The following SLCO4A1 variants were observed in gnomAD, a reference collection of about 807,000 sequenced individuals.
SLCO4A1 encodes the protein colon organic anion transporter.
Under a neutral mutation model 64.6 loss-of-function variants are expected in SLCO4A1, and 51 were observed. The ratio of observed to expected loss-of-function variants is 0.79; its 90% CI spans 0.63 to 1.00. The LOEUF is 1.00. Ranked by LOEUF, SLCO4A1 falls within the 50% of genes least tolerant of loss-of-function variation. The probability of loss-of-function intolerance (pLI) is 0.00; values close to 1 mark genes in which losing one functional copy is unlikely to be tolerated. For synonymous variants in SLCO4A1, 471 were observed against 444.9 expected (o/e 1.06, Z -0.74); for missense variants, 919 against 980.5 (o/e 0.94, Z 0.84).
intron 2 of SLCO4A1, among the ~76,000 whole-genome samples, chr20:62,681,330 C>A (rs930564739): frequency 1.3e-5 from 2 of 152,244 alleles, no homozygotes; most frequent in African/African-American, 4.8e-5. Context: ...AAACAGCCAG[C>A]CCATCAACCT....
chr20:62,657,093 C>G lies in SLCO4A1; in HGVS notation c.639C>G (p.Gly213=). ...TCAGGACGTGCCCTGCCAACCCCGG[C>G]GCGGTGTGTGCGGACAGCACCTCGG... ...AGVRTCPANP[G]AVCADSTSGL... Residue 213 remains glycine (G), a synonymous_variant, in exon 2 of 12, where the codon GGC becomes GGG. Coordinates refer to ENST00000217159, the MANE Select transcript of SLCO4A1 (RefSeq NM_016354.4). 1.2e-6 allele frequency: 2 copies of G among 1,600,390 alleles called. No individual in the cohort carries two copies. Among genetic ancestry groups the G allele is most frequent in the Non-Finnish European group, 1.7e-6 (2 of 1,175,472 alleles).
At position 62,664,977 on chromosome 20, in the gene SLCO4A1, T is replaced by C; in HGVS notation, c.1165T>C (p.Cys389Arg). The C allele has an allele frequency of 6.2e-7, 1 of 1,613,696 alleles. No homozygotes were observed. The highest frequency in any genetic ancestry group is 8.5e-7 in the Non-Finnish European group (1 of 1,179,776). ...GAAGAACCCCACGTTCATCCTGCTCTGCCTGGCCGGGGCCACCGAGGCCAC... is the reference window on the plus strand; with the variant it reads ...GAAGAACCCCACGTTCATCCTGCTCCGCCTGGCCGGGGCCACCGAGGCCAC... ...LLKNPTFILL[C>R]LAGATEATLI... The change falls in exon 6 of 12, where the codon TGC becomes CGC. Residue 389 changes from cysteine to arginine, a missense_variant. Transcript: ENST00000217159.
chr20:62,689,777 G>A (rs1244731025), downstream of SLCO4A1, among the ~76,000 whole-genome samples: 1 of 152,252 alleles, frequency 6.6e-6, no homozygotes, highest in East Asian at 1.9e-4. Context: ...CCGATTCCTT[G>A]TGTTCCTGGC....
intron 6 of SLCO4A1, 65 bp downstream of exon 6, chr20:62,665,153 G>A: frequency 6.5e-7 from 1 of 1,531,888 alleles, no homozygotes; most frequent in Non-Finnish European, 8.8e-7. Context: ...GAGTCTTCAA[G>A]GGCATCTTCT....
intron 2 of SLCO4A1, among the ~76,000 whole-genome samples, chr20:62,678,627 G>T (rs1987696015): frequency 6.6e-6 from 1 of 151,634 alleles, no homozygotes; most frequent in Non-Finnish European, 1.5e-5. Flanking sequence ...TTACTCCCGG[G>T]TTCAAGCGAA....
At chr20:62,669,527 G>T (rs1986944860) in intron 11 of SLCO4A1, among the ~76,000 whole-genome samples, 1 of 152,200 alleles carries the variant, frequency 6.6e-6, no homozygotes, top group African/African-American at 2.4e-5. Flanking sequence ...AGTGCGCCTT[G>T]GATTCCATTG....
downstream of SLCO4A1, among the ~76,000 whole-genome samples, chr20:62,677,180 G>T (rs1987634929): frequency 6.6e-6 from 1 of 152,338 alleles, no homozygotes; most frequent in Non-Finnish European, 1.5e-5. Context: ...GGGCGTTTTG[G>T]TGCAGTGATG....
downstream of SLCO4A1, among the ~76,000 whole-genome samples, chr20:62,676,400 G>T (rs151175133): frequency 2.5e-3 from 375 of 152,326 alleles, 2 homozygotes; most frequent in African/African-American, 8.2e-3. Context: ...GGCCTGGGTG[G>T]CAGAGTGAGA....
intron 9 of SLCO4A1, 30 bp downstream of exon 9, chr20:62,668,214 A>G (rs765430344): frequency 6.2e-6 from 10 of 1,612,388 alleles, no homozygotes; most frequent in Admixed American, 3.3e-5. Flanking sequence ...GCGCTTGTCC[A>G]GAGCTTTCCT....
rs747026694 is a variant in SLCO4A1, at chr20:62,661,080, G to A, written c.1026G>A (p.Ala342=). The change falls in exon 5 of 12, where the codon GCG becomes GCA. Residue 342 remains alanine, a synonymous_variant. Coordinates refer to ENST00000217159, the MANE Select transcript of SLCO4A1 (RefSeq NM_016354.4). The surrounding 1 kb of genome is among the most constrained non-coding windows in gnomAD (Gnocchi z 5.2). ...PRQLPGSQRY[A]VMRAAEMHQL... is the part of the protein sequence containing the mutation. ...CCCTTCCAGGCTCCCAGCGCTACGC[G>A]GTCATGAGAGCGGCGGAAATGCACC... The A allele has an allele frequency of 2.0e-5, 28 of 1,431,080 alleles. No individual in the cohort carries two copies. Among genetic ancestry groups the A allele is most frequent in the Non-Finnish European group, 2.3e-5 (24 of 1,063,164 alleles). 88.6% of individuals were successfully genotyped at this position (1,431,080 alleles called of 1,614,324 possible). A position where few individuals can be genotyped will look rare whatever the true frequency, so the allele number is the denominator to read the frequency against.
chr20:62,683,569 A>G (rs1212494223), intron 2 of SLCO4A1, among the ~76,000 whole-genome samples: 2 of 152,144 alleles, frequency 1.3e-5, no homozygotes, highest in African/African-American at 4.8e-5. Context: ...GTACAATATG[A>G]GACCTATTGT....
At chr20:62,677,213 G>A (rs1987637158), downstream of SLCO4A1, among the ~76,000 whole-genome samples, 1 of 152,198 alleles carries the variant, frequency 6.6e-6, no homozygotes, top group Non-Finnish European at 1.5e-5. Context: ...GTTAGATAAC[G>A]GTGATGGTTG....
chr20:62,672,017 G>C lies in SLCO4A1; in HGVS notation c.*124G>C. ...ACCTGCAACCTTCTACTTAACCTGTGGTTTAAAGTCGGCTGTGACCTCCTG... is the reference window on the plus strand; with the variant it reads ...ACCTGCAACCTTCTACTTAACCTGTCGTTTAAAGTCGGCTGTGACCTCCTG... On this transcript the variant is annotated 3_prime_UTR_variant, in exon 12 of 12. Coordinates refer to ENST00000217159, the MANE Select transcript of SLCO4A1 (RefSeq NM_016354.4). 1 of 1,578,770 alleles carries C rather than the reference G, an allele frequency of 6.3e-7. No individual in the cohort carries two copies. The highest frequency in any genetic ancestry group is 2.3e-5 in the East Asian group (1 of 43,914).
chr20:62,680,374 T>G (rs896026712), intron 2 of SLCO4A1, among the ~76,000 whole-genome samples: 2 of 152,226 alleles, frequency 1.3e-5, no homozygotes, highest in Middle Eastern at 3.2e-3. Flanking sequence ...CTTATTGCAC[T>G]GGCTGGAACC....
At position 62,665,078 on chromosome 20, in the gene SLCO4A1, C is replaced by T. The variant is rs983927132; in HGVS notation, c.1266C>T (p.Ala422=). 4 of 1,606,010 alleles carry T rather than the reference C, an allele frequency of 2.5e-6. No homozygotes were observed. In the African/African-American group the frequency reaches 5.4e-5, roughly 22 times the overall value. Reference sequence around the variant, plus strand: ...TCAGCCTGAGTGCCTCAGAAGCTGCCACCTTGTTTGGTGAGAAAACTGAAT... The same window carrying T: ...TCAGCCTGAGTGCCTCAGAAGCTGCTACCTTGTTTGGTGAGAAAACTGAAT... ...SQFSLSASEA[A]TLFGYLVVPA... is the part of the protein sequence containing the mutation. Residue 422 remains alanine (A), a synonymous_variant, in exon 6 of 12, where the codon GCC becomes GCT. Coordinates refer to ENST00000217159, the MANE Select transcript of SLCO4A1 (RefSeq NM_016354.4).
At position 62,671,928 on chromosome 20, in the gene SLCO4A1, T is replaced by C; in HGVS notation, c.*35T>C. ...GCGCCCACCCGGCCACGGCGGGCAC[T>C]CAGCATTTCCTGATGACAGAACAGT... On this transcript the variant is annotated 3_prime_UTR_variant, in exon 12 of 12. Transcript: ENST00000217159. 1 of 1,605,216 alleles carries C rather than the reference T, an allele frequency of 6.2e-7. No individual in the cohort carries two copies. Among genetic ancestry groups the C allele is most frequent in the Non-Finnish European group, 8.5e-7 (1 of 1,179,970 alleles).
In SLCO4A1 at chr20:62,656,383, C is replaced by A; in HGVS notation, c.-72C>A. On this transcript the variant is annotated 5_prime_UTR_variant, in exon 2 of 12. Coordinates refer to ENST00000217159, the MANE Select transcript of SLCO4A1 (RefSeq NM_016354.4). The stretch of plus-strand genomic sequence containing the variant: ...GGACACACCAGCCCCTCGGATACCA[C>A]TTGGCCACTCCCGCTGAGGCCACTC... 7.5e-7 allele frequency: 1 copy of A among 1,336,692 alleles called. No individual in the cohort carries two copies. Among genetic ancestry groups the A allele is most frequent in the African/African-American group, 1.5e-5 (1 of 67,868 alleles). The allele number at this position is 1,336,692 out of a possible 1,614,324, so 82.8% of individuals were successfully genotyped here. A position where few individuals can be genotyped will look rare whatever the true frequency, so the allele number is the denominator to read the frequency against.
chr20:62,666,911 T>C (rs1005897038), intron 7 of SLCO4A1, among the ~76,000 whole-genome samples: 1 of 151,634 alleles, frequency 6.6e-6, no homozygotes, highest in African/African-American at 2.4e-5. Flanking sequence ...CTCGGTGACA[T>C]AAAAAGTGTC....
intron 5 of SLCO4A1, chr20:62,663,192 C>G (rs533408901): frequency 1.4e-4 from 22 of 152,352 alleles, no homozygotes; most frequent in African/African-American, 4.8e-4. Context: ...ATCAGCTCTG[C>G]AAGGCACCTG....
Sources: gnomAD v4.1 joint callset for allele counts (sites outside exome capture counted in the v4.1 genomes callset) on GRCh38, gnomAD v4.1.1 for gene constraint, Gnocchi (gnomAD v3.1) non-coding constraint, MANE v1.5 for transcripts, NCBI Gene and HGNC (gene_info 2026-07-23, HGNC 2026-07-21) for gene names.